The following CHEK1 variants were observed in gnomAD, a reference collection of about 807,000 sequenced individuals.
CHEK1 encodes checkpoint kinase 1.
CHEK1 carries 32 observed loss-of-function variants against 60.2 expected under a neutral mutation model. The observed-to-expected ratio is 0.53, with a 90% confidence interval of 0.40 to 0.71. The LOEUF (loss-of-function observed/expected upper bound fraction) is 0.71. CHEK1 is among the 30% of genes least tolerant of loss of function. CHEK1 has a pLI of 0.00. For missense variants in CHEK1, 399 were observed against 564.6 expected (o/e 0.71, Z 2.97); for synonymous variants, 179 against 187.2 (o/e 0.96, Z 0.36).
downstream of CHEK1, chr11:125,678,364 A>G: frequency 6.4e-7 from 1 of 1,554,382 alleles, no homozygotes; most frequent in Admixed American, 1.8e-5. Flanking sequence ...CTATCTTCCT[A>G]TGGAGTTAGG....
In CHEK1 at chr11:125,643,881, C is replaced by T; in HGVS notation, c.904C>T (p.Pro302Ser). 1 of 1,613,776 alleles carries T rather than the reference C, an allele frequency of 6.2e-7. No homozygotes were observed. Reference sequence around the variant, plus strand: ...CATTCAATCCAATTTGGACTTCTCTCCAGTAAACAGTGCTTCTAGGTAAGA... The same window carrying T: ...CATTCAATCCAATTTGGACTTCTCTTCAGTAAACAGTGCTTCTAGGTAAGA... ...KHIQSNLDFS[P>S]VNSASSEENV... Residue 302 changes from proline (P) to serine (S), a missense_variant, in exon 9 of 13, where the codon CCA (proline) becomes TCA (serine). Pro to Ser is a moderately conservative substitution (Grantham distance 74, BLOSUM62 -1). Transcript: ENST00000438015.
Position 125,643,452 on chromosome 11 carries a change from C to G in CHEK1, c.815-340C>G, listed in dbSNP as rs1011023604. ...AGCTTGTAGTGAGCCAAGATCGCGC[C>G]ACTGCACTCCAGCCTGGGTGACAGA... On this transcript the variant is annotated intron_variant, in intron 8 of 12. Coordinates refer to ENST00000438015, the MANE Select transcript of CHEK1 (RefSeq NM_001114122.3). The G allele has an allele frequency of 1.8e-5, 3 of 169,620 alleles. No individual in the cohort carries two copies. In the South Asian group the frequency reaches 4.7e-4, roughly 27 times the overall value. The allele number at this position is 169,620 out of a possible 1,614,324, so 10.5% of individuals were successfully genotyped here.
rs1230129107 is a variant in CHEK1, at chr11:125,653,276, G to A, written c.1234-470G>A. The stretch of plus-strand genomic sequence containing the variant: ...GTCGCCCATGCTAGAGTGCAGTGGC[G>A]CAATCATAGCTCACTGCAGCTTCAA... On this transcript the variant is annotated intron_variant, in intron 11 of 12. Transcript: ENST00000438015. This position sits in a 1 kb window ranked among gnomAD's most constrained non-coding sequence, Gnocchi z 4.3. Among the ~76,000 whole-genome samples the A allele has an allele frequency of 2.0e-5, 3 of 152,068 alleles. No homozygotes were observed. Among genetic ancestry groups the A allele is most frequent in the Non-Finnish European group, 2.9e-5 (2 of 68,014 alleles).
intron 3 of CHEK1, among the ~76,000 whole-genome samples, chr11:125,629,004 GA>G: frequency 6.6e-6 from 1 of 152,264 alleles, no homozygotes; most frequent in South Asian, 2.1e-4. Context: ...TCTTGATTTG[GA>G]TATTGGTTTT....
At chr11:125,626,254 C>T in intron 1 of CHEK1, 1 of 547,730 alleles carries the variant, frequency 1.8e-6, no homozygotes, top group East Asian at 2.9e-5. Flanking sequence ...GAGTCCCAGC[C>T]CTTCCTTTCG....
At chr11:125,659,369 T>C (rs1941973919), downstream of CHEK1, among the ~76,000 whole-genome samples, 1 of 152,266 alleles carries the variant, frequency 6.6e-6, no homozygotes, top group African/African-American at 2.4e-5. Context: ...GTTTGATTGC[T>C]ATGATAGTTT....
At chr11:125,647,288 A>G (rs1344001552) in intron 11 of CHEK1, among the ~76,000 whole-genome samples, 2 of 152,120 alleles carry the variant, frequency 1.3e-5, no homozygotes, top group Non-Finnish European at 2.9e-5. Flanking sequence ...GTTGAAAATA[A>G]ATAGGTCATA....
At chr11:125,626,715 C>A (rs1940628685) in intron 1 of CHEK1, 34 bp from the exon 2 acceptor site, 1 of 1,602,642 alleles carries the variant, frequency 6.2e-7, no homozygotes, top group South Asian at 1.1e-5. Flanking sequence ...TGATCTTACA[C>A]TCTACATCTT....
intron 13 of CHEK1, among the ~76,000 whole-genome samples, chr11:125,668,585 T>A (rs551068551): frequency 4.7e-4 from 71 of 152,280 alleles, no homozygotes; most frequent in Middle Eastern, 3.4e-3. Context: ...AAACAGACCT[T>A]GTCTGTTGTC....
intron 6 of CHEK1, among the ~76,000 whole-genome samples, chr11:125,634,433 C>T (rs1383173315): frequency 1.3e-5 from 2 of 152,044 alleles, no homozygotes; most frequent in Non-Finnish European, 2.9e-5. Flanking sequence ...AGCGATCCTC[C>T]TGCCTCAGTC....
rs1591388046 is a variant in CHEK1 at position 125,625,870 on chromosome 11, A to G, written c.-163A>G. ...ACGTCACCCTTTTGGAGCCGCCGACATTCAGAGGGGCAGGACACGGGAACG... is the reference window on the plus strand; with the variant it reads ...ACGTCACCCTTTTGGAGCCGCCGACGTTCAGAGGGGCAGGACACGGGAACG... On this transcript the variant is annotated 5_prime_UTR_variant, in exon 1 of 13. Transcript: ENST00000438015. The G allele has an allele frequency of 5.7e-6, 4 of 702,516 alleles. No individual in the cohort carries two copies. Among genetic ancestry groups the G allele is most frequent in the African/African-American group, 1.7e-5 (1 of 57,280 alleles). The allele number at this position is 702,516 out of a possible 1,614,324, so 43.5% of individuals were successfully genotyped here.
At chr11:125,638,526 T>A (rs1941157251) in intron 8 of CHEK1, among the ~76,000 whole-genome samples, 1 of 152,162 alleles carries the variant, frequency 6.6e-6, no homozygotes, top group Non-Finnish European at 1.5e-5. Context: ...GTTTAAACAT[T>A]CACTCTTCTT....
intron 1 of CHEK1, 192 bp downstream of exon 1, chr11:125,626,204 A>G: frequency 1.7e-6 from 1 of 592,266 alleles, no homozygotes; most frequent in Non-Finnish European, 3.0e-6. Context: ...GGGCGGGGGC[A>G]GGAGGGACTA....
downstream of CHEK1, among the ~76,000 whole-genome samples, chr11:125,680,512 C>G (rs1942746524): frequency 6.6e-6 from 1 of 152,100 alleles, no homozygotes; most frequent in South Asian, 2.1e-4. Flanking sequence ...AAGTAGAAAC[C>G]AGACTGTGCC....
At chr11:125,666,891 T>C (rs1455445230) in intron 13 of CHEK1, among the ~76,000 whole-genome samples, 2 of 152,128 alleles carry the variant, frequency 1.3e-5, no homozygotes, top group Non-Finnish European at 2.9e-5. Context: ...GTAAAGTGAG[T>C]TTCTTGTGGG....
Position 125,655,281 on chromosome 11 carries a change from T to A in CHEK1, c.1392T>A (p.Asp464Glu). ...TGAAGATTAAAGGGAAGCTGATTGA[T>A]ATTGTGAGCAGCCAGAAGATTTGGC... ...HFLKIKGKLI[D>E]IVSSQKIWLP... The change falls in exon 13 of 13, where the codon GAT (aspartate) becomes GAA (glutamate). Residue 464 changes from aspartate (D) to glutamate (E), a missense_variant. Physicochemically the swap from Asp to Glu is conservative, Grantham distance 45 (BLOSUM62 2). This residue lies in a region of CHEK1 where 29 missense variants were observed against 69.8 expected (regional missense o/e 0.42). Coordinates refer to ENST00000438015, the MANE Select transcript of CHEK1 (RefSeq NM_001114122.3). 6.2e-7 allele frequency: 1 copy of A among 1,613,804 alleles called. No homozygotes were observed. The highest frequency in any genetic ancestry group is 8.5e-7 in the Non-Finnish European group (1 of 1,179,732).
intron 13 of CHEK1, among the ~76,000 whole-genome samples, chr11:125,670,290 CCTTTGTTCA>C (rs1942177906): frequency 6.6e-6 from 1 of 152,116 alleles, no homozygotes; most frequent in South Asian, 2.1e-4. Context: ...CTGTTTATTG[CCTTTGTTCA>C]CTTTGTTCCA....
At chr11:125,680,801 GA>G (rs777546880), downstream of CHEK1, 1 of 1,610,838 alleles carries the variant, frequency 6.2e-7, no homozygotes, top group South Asian at 1.1e-5. Context: ...GAAAAGAGGG[GA>G]CCCCAGTGTG....
intron 3 of CHEK1, among the ~76,000 whole-genome samples, chr11:125,628,774 C>T (rs772117218): frequency 2.6e-5 from 4 of 151,904 alleles, no homozygotes; most frequent in Non-Finnish European, 4.4e-5. Context: ...AGAACAAGAC[C>T]GTATCTCTAA....
Sources: allele counts gnomAD v4.1 joint callset (sites outside exome capture counted in the v4.1 genomes callset), GRCh38; gene constraint gnomAD v4.1.1; regional missense constraint gnomAD v4.1.1; non-coding constraint Gnocchi (gnomAD v3.1); transcripts MANE v1.5; gene names NCBI Gene and HGNC (gene_info 2026-07-23, HGNC 2026-07-21).